Variants in PROS1 observed in about 807,000 individuals in gnomAD.
PROS1 encodes the protein protein S.
In PROS1, 29 loss-of-function variants were observed where a neutral mutation model predicts 75.9. The observed-to-expected ratio is 0.38, with a 90% CI of 0.28 to 0.52. PROS1 has a LOEUF of 0.52. Among genes scored for constraint, PROS1 ranks in the 20% least tolerant of loss-of-function variants. PROS1 has a pLI of 0.83. For missense variants in PROS1, 680 were observed against 810.3 expected (o/e 0.84, Z 1.95); for synonymous variants, 245 against 280.6 (o/e 0.87, Z 1.27).
At chr3:93,969,378 G>A (rs1336381259) in intron 1 of PROS1, among the ~76,000 whole-genome samples, 1 of 152,186 alleles carries the variant, frequency 6.6e-6, no homozygotes, top group Admixed American at 6.5e-5. Flanking sequence ...AAGGGCAAGT[G>A]TATTTGTTAG....
intron 6 of PROS1, among the ~76,000 whole-genome samples, chr3:93,903,665 C>T (rs1187344126): frequency 1.3e-5 from 2 of 151,956 alleles, no homozygotes; most frequent in African/African-American, 4.8e-5. Context: ...CCCTATCTAT[C>T]TTAAAAAAAC....
At position 93,959,023 on chromosome 3, in the gene PROS1, T is replaced by C. The variant is rs144567799; in HGVS notation, c.76+14651A>G. 2.2e-3 allele frequency among the ~76,000 whole-genome samples: 331 copies of C among 152,346 alleles called. 1 individual carries two copies. The highest frequency in any genetic ancestry group is 7.4e-3 in the African/African-American group (308 of 41,580). ...CAGTTGTTTATATTTAAGCAACTTT[T>C]GTAATTTAAAGTTGAAACTTAGAAA... On this transcript the variant is annotated intron_variant, in intron 1 of 14. Coordinates refer to ENST00000394236, the MANE Select transcript of PROS1 (RefSeq NM_000313.4).
intron 1 of PROS1, among the ~76,000 whole-genome samples, chr3:93,927,631 A>T (rs1709040117): frequency 1.3e-5 from 2 of 151,932 alleles, no homozygotes; most frequent in Non-Finnish European, 2.9e-5. Flanking sequence ...TGGTCTACAC[A>T]AATTATTCAG....
chr3:93,965,345 G>A (rs1480805216), intron 1 of PROS1, among the ~76,000 whole-genome samples: 6 of 152,150 alleles, frequency 3.9e-5, no homozygotes, highest in Non-Finnish European at 7.4e-5. Flanking sequence ...AAGGGTGTCC[G>A]CTGTGCTCCT....
intron 1 of PROS1, among the ~76,000 whole-genome samples, chr3:93,933,792 C>T (rs907897157): frequency 2.0e-5 from 3 of 151,630 alleles, no homozygotes; most frequent in Admixed American, 6.6e-5. Context: ...GGACAGATCA[C>T]GAGGTCAGGA....
At chr3:93,905,054 G>T (rs1053196137) in intron 6 of PROS1, among the ~76,000 whole-genome samples, 2 of 152,162 alleles carry the variant, frequency 1.3e-5, no homozygotes, top group Admixed American at 1.3e-4. Flanking sequence ...AATCAGAAAA[G>T]TATTTCTGAA....
chr3:93,942,102 G>C (rs1002456911), intron 1 of PROS1, among the ~76,000 whole-genome samples: 8 of 152,000 alleles, frequency 5.3e-5, no homozygotes, highest in Admixed American at 2.6e-4. Flanking sequence ...GATCACACTT[G>C]GTTTATCGAT....
chr3:93,961,612 T>C (rs1175467321), intron 1 of PROS1, among the ~76,000 whole-genome samples: 1 of 152,236 alleles, frequency 6.6e-6, no homozygotes, highest in Non-Finnish European at 1.5e-5. Flanking sequence ...TTTTGACCTA[T>C]GCAACTGTGA....
intron 3 of PROS1, among the ~76,000 whole-genome samples, chr3:93,922,635 T>A (rs946926004): frequency 2.0e-5 from 3 of 152,170 alleles, no homozygotes; most frequent in African/African-American, 7.2e-5. Context: ...GACCTTCCTG[T>A]ATGAGCTGTT....
chr3:93,906,630 C>T (rs1436990470), intron 4 of PROS1, among the ~76,000 whole-genome samples: 1 of 152,218 alleles, frequency 6.6e-6, no homozygotes, highest in African/African-American at 2.4e-5. Context: ...GGGGGAGCTC[C>T]ACTCCTTCCA....
chr3:93,958,830 C>CA (rs1709653573), intron 1 of PROS1: 1 of 152,354 alleles, frequency 6.6e-6, no homozygotes, highest in Admixed American at 6.5e-5. Flanking sequence ...GAGGCTTCCC[C>CA]AGCCACATGG....
chr3:93,886,463 A>G lies in PROS1; in HGVS notation c.1196T>C (p.Ile399Thr), dbSNP rs763099794. 1 of 1,611,718 alleles carries G rather than the reference A, an allele frequency of 6.2e-7. No homozygotes were observed. Among genetic ancestry groups the G allele is most frequent in the Non-Finnish European group, 8.5e-7 (1 of 1,177,880 alleles). ...EELEHSISIKIAKEAVMDINK... is the reference protein window; with the variant it reads ...EELEHSISIKTAKEAVMDINK... ...TATATCCATCACAGCTTCTTTAGCT[A>G]TTTTAATGCTAATACTATGTTCTAA... Residue 399 changes from isoleucine to threonine, a missense_variant, in exon 11 of 15, where the codon ATA becomes ACA. Coordinates refer to ENST00000394236, the MANE Select transcript of PROS1 (RefSeq NM_000313.4).
intron 1 of PROS1, among the ~76,000 whole-genome samples, chr3:93,956,560 ACAAAC>A (rs1559951194): frequency 7.5e-5 from 6 of 80,126 alleles, no homozygotes; most frequent in South Asian, 3.8e-4. Flanking sequence ...ACACACACAC[ACAAAC>A]ACACACACAC....
chr3:93,930,371 G>T (rs1422013908), intron 1 of PROS1, among the ~76,000 whole-genome samples: 1 of 152,106 alleles, frequency 6.6e-6, no homozygotes, highest in Admixed American at 6.5e-5. Flanking sequence ...CAAAAAATTT[G>T]GACTTTTTGA....
chr3:93,934,575 A>G (rs549794711), intron 1 of PROS1, among the ~76,000 whole-genome samples: 115 of 152,360 alleles, frequency 7.5e-4, no homozygotes, highest in African/African-American at 2.7e-3. Context: ...GAAGGACTGA[A>G]CAAATACTGA....
intron 2 of PROS1, 60 bp downstream of exon 2, chr3:93,927,190 T>C: frequency 6.3e-7 from 1 of 1,597,462 alleles, no homozygotes; most frequent in Non-Finnish European, 8.6e-7. Context: ...AGGCTGGAAA[T>C]GTTCAGTCTG....
intron 3 of PROS1, among the ~76,000 whole-genome samples, chr3:93,918,295 G>A (rs974038744): frequency 1.6e-4 from 24 of 152,020 alleles, no homozygotes; most frequent in African/African-American, 4.8e-4. Flanking sequence ...CAGACCACTC[G>A]CTCTATCAAT....
chr3:93,954,526 T>C (rs1395566866), intron 1 of PROS1, among the ~76,000 whole-genome samples: 2 of 152,154 alleles, frequency 1.3e-5, no homozygotes, highest in African/African-American at 4.8e-5. Context: ...TAGCCATATG[T>C]AGAAAGCTGA....
chr3:93,892,892 G>A lies in PROS1; in HGVS notation c.1155+41C>T, dbSNP rs1708452899. On this transcript the variant is annotated intron_variant, in intron 10 of 14. Coordinates refer to ENST00000394236, the MANE Select transcript of PROS1 (RefSeq NM_000313.4). ...AATAAATTATGATTTTATACAGACT[G>A]CATCAAAGTGGGAAGATATTGATGA... 1.9e-6 allele frequency: 3 copies of A among 1,558,296 alleles called. No homozygotes were observed. In the African/African-American group the frequency reaches 4.1e-5, roughly 21 times the overall value.
Sources: gnomAD v4.1 joint callset for allele counts (sites outside exome capture counted in the v4.1 genomes callset) on GRCh38, gnomAD v4.1.1 for gene constraint, MANE v1.5 for transcripts, NCBI Gene and HGNC (gene_info 2026-07-23, HGNC 2026-07-21) for gene names.